NUBPL: variants seen among roughly 807,000 people sequenced by gnomAD.
The protein encoded by NUBPL is iron-sulfur cluster transfer protein NUBPL.
NUBPL carries 31 observed loss-of-function variants against 45.7 expected under a neutral mutation model. The observed-to-expected ratio is 0.68, with a 90% CI of 0.51 to 0.92. NUBPL has a LOEUF of 0.92. Among genes scored for constraint, NUBPL ranks in the 40% least tolerant of loss-of-function variants. The pLI is 0.00. For synonymous variants in NUBPL, 144 were observed against 140.9 expected, an observed-to-expected ratio of 1.02 and a Z score of -0.15; for missense variants, 401 against 398.7, an observed-to-expected ratio of 1.01 and a Z score of -0.05.
At chr14:31,776,977 A>T (rs994386569) in intron 6 of NUBPL, among the ~76,000 whole-genome samples, 1 of 152,226 alleles carries the variant, frequency 6.6e-6, no homozygotes. Flanking sequence ...CTCAGATTTT[A>T]TAGCAAAAGT....
At chr14:31,815,775 T>A (rs939895939) in intron 7 of NUBPL, among the ~76,000 whole-genome samples, 1 of 145,240 alleles carries the variant, frequency 6.9e-6, no homozygotes, top group African/African-American at 2.9e-5. Context: ...AAGGCCTTTT[T>A]GCATCTATTG....
intron 6 of NUBPL, among the ~76,000 whole-genome samples, chr14:31,729,789 C>T (rs2038010705): frequency 6.6e-6 from 1 of 152,232 alleles, no homozygotes; most frequent in Admixed American, 6.5e-5. Flanking sequence ...AACTTTTAAA[C>T]AGAATTCCTA....
At chr14:31,697,364 T>G (rs2037236216) in intron 6 of NUBPL, among the ~76,000 whole-genome samples, 1 of 152,202 alleles carries the variant, frequency 6.6e-6, no homozygotes, top group Non-Finnish European at 1.5e-5. Flanking sequence ...AGACACAGTT[T>G]ATTAGCAACA....
intron 7 of NUBPL, among the ~76,000 whole-genome samples, chr14:31,816,569 T>C (rs1033830889): frequency 6.6e-6 from 1 of 152,188 alleles, no homozygotes; most frequent in African/African-American, 2.4e-5. Flanking sequence ...TGTCTTCTGC[T>C]AGCTTTTGAA....
At chr14:31,578,629 CCTT>C (rs2033781025) in intron 3 of NUBPL, among the ~76,000 whole-genome samples, 1 of 152,134 alleles carries the variant, frequency 6.6e-6, no homozygotes, top group Non-Finnish European at 1.5e-5. Context: ...CTTGCTTTCT[CCTT>C]CATCTCTCAA....
At chr14:31,768,818 T>C (rs2038958778) in intron 6 of NUBPL, among the ~76,000 whole-genome samples, 2 of 152,148 alleles carry the variant, frequency 1.3e-5, no homozygotes, top group Non-Finnish European at 2.9e-5. Flanking sequence ...GTACCAAGCA[T>C]TGCTTTCAGA....
At chr14:31,572,289 G>A (rs570299744) in intron 3 of NUBPL, among the ~76,000 whole-genome samples, 38 of 151,960 alleles carry the variant, frequency 2.5e-4, no homozygotes, top group South Asian at 4.2e-4. Flanking sequence ...ACAGGTACCC[G>A]CCACCACACC....
chr14:31,663,261 A>G (rs145752485), intron 4 of NUBPL, among the ~76,000 whole-genome samples: 2 of 152,226 alleles, frequency 1.3e-5, no homozygotes, highest in East Asian at 3.9e-4. Flanking sequence ...CCATTTGTCA[A>G]TTTTGGCTTT....
intron 6 of NUBPL, among the ~76,000 whole-genome samples, chr14:31,727,326 T>C (rs1222047063): frequency 6.6e-6 from 1 of 152,228 alleles, no homozygotes; most frequent in Non-Finnish European, 1.5e-5. Context: ...AGGCTTACCA[T>C]ATTTCTCTTA....
At chr14:31,607,473 A>T (rs2034634833) in intron 4 of NUBPL, among the ~76,000 whole-genome samples, 1 of 152,136 alleles carries the variant, frequency 6.6e-6, no homozygotes, top group African/African-American at 2.4e-5. Context: ...GAGGAAACTC[A>T]AAGAAAGTCA....
intron 6 of NUBPL, among the ~76,000 whole-genome samples, chr14:31,762,047 T>C (rs1199195924): frequency 6.6e-6 from 1 of 152,244 alleles, no homozygotes; most frequent in East Asian, 1.9e-4. Flanking sequence ...TAGTTAATCA[T>C]TCTTTAATTA....
chr14:31,744,853 CT>C (rs1388827863), intron 6 of NUBPL, among the ~76,000 whole-genome samples: 2 of 151,824 alleles, frequency 1.3e-5, no homozygotes, highest in Non-Finnish European at 2.9e-5. Context: ...AACTCCCGAC[CT>C]TGTGTTCCAT....
At chr14:31,636,857 G>A (rs1241473338) in intron 4 of NUBPL, among the ~76,000 whole-genome samples, 1 of 152,154 alleles carries the variant, frequency 6.6e-6, no homozygotes, top group African/African-American at 2.4e-5. Context: ...ATTTCTTCTA[G>A]ATTTTCTAGT....
intron 6 of NUBPL, among the ~76,000 whole-genome samples, chr14:31,689,927 C>T (rs2037054041): frequency 7.4e-5 from 2 of 27,084 alleles, no homozygotes; most frequent in Admixed American, 1.2e-3. Flanking sequence ...AGTCCTTTCC[C>T]CATTGTTTTT....
At chr14:31,632,913 T>A (rs2035382172) in intron 4 of NUBPL, among the ~76,000 whole-genome samples, 1 of 152,244 alleles carries the variant, frequency 6.6e-6, no homozygotes, top group South Asian at 2.1e-4. Flanking sequence ...GTGGCAAATA[T>A]TTATATGTTA....
chr14:31,765,418 T>C (rs2038894318), intron 6 of NUBPL, among the ~76,000 whole-genome samples: 1 of 152,182 alleles, frequency 6.6e-6, no homozygotes, highest in African/African-American at 2.4e-5. Context: ...GGTACACTCA[T>C]TGAGAGAAAT....
intron 3 of NUBPL, among the ~76,000 whole-genome samples, chr14:31,576,194 C>T (rs543485793): frequency 7.6e-4 from 116 of 152,258 alleles, no homozygotes; most frequent in Non-Finnish European, 1.3e-3. Flanking sequence ...TTGCTAAGGG[C>T]CTGTCATCTC....
intron 4 of NUBPL, among the ~76,000 whole-genome samples, chr14:31,631,993 A>G (rs938515226): frequency 1.3e-5 from 2 of 152,144 alleles, no homozygotes; most frequent in Non-Finnish European, 2.9e-5. Flanking sequence ...CCCTTCATCT[A>G]AGTTGTATAA....
chr14:31,634,834 G>A (rs2035444117), intron 4 of NUBPL, among the ~76,000 whole-genome samples: 1 of 150,222 alleles, frequency 6.7e-6, no homozygotes. Flanking sequence ...TTTCTCTGAT[G>A]GCCAGTGATG....
Sources: allele counts gnomAD v4.1 joint callset (sites outside exome capture counted in the v4.1 genomes callset), GRCh38; gene constraint gnomAD v4.1.1; transcripts MANE v1.5; gene names NCBI Gene and HGNC (gene_info 2026-07-23, HGNC 2026-07-21).